DAB1: variants seen among roughly 807,000 people sequenced by gnomAD.
The protein encoded by DAB1 is DAB adaptor protein 1.
In DAB1, 15 loss-of-function variants were observed where a neutral mutation model predicts 64.6. The observed-to-expected ratio is 0.23, with a 90% CI of 0.16 to 0.36. DAB1 has a LOEUF of 0.36. Among genes scored for constraint, DAB1 ranks in the 10% least tolerant of loss-of-function variants. The pLI is 1.00. For synonymous variants in DAB1, 235 were observed against 251.9 expected, an observed-to-expected ratio of 0.93 and a Z score of 0.64; for missense variants, 596 against 706.7, an observed-to-expected ratio of 0.84 and a Z score of 1.78.
intron 5 of DAB1, among the ~76,000 whole-genome samples, chr1:57,956,179 T>A (rs994988844): frequency 6.6e-6 from 1 of 152,112 alleles, no homozygotes; most frequent in Non-Finnish European, 1.5e-5. Context: ...TCTGTCAGGG[T>A]CCCAGCAAGA....
At chr1:57,149,867 A>G (rs1456168282) in intron 2 of DAB1, among the ~76,000 whole-genome samples, 2 of 152,186 alleles carry the variant, frequency 1.3e-5, no homozygotes, top group Non-Finnish European at 2.9e-5. Context: ...CAAGTAGTTC[A>G]CAAGCACACA....
intron 9 of DAB1, among the ~76,000 whole-genome samples, chr1:57,057,653 G>C (rs534327913): frequency 8.6e-5 from 13 of 150,958 alleles, no homozygotes; most frequent in Non-Finnish European, 1.8e-4. Context: ...TGTTGCCCAG[G>C]CTGGAGTGCA....
chr1:57,839,679 T>G (rs1652965020), intron 1 of DAB1, among the ~76,000 whole-genome samples: 1 of 152,198 alleles, frequency 6.6e-6, no homozygotes, highest in Non-Finnish European at 1.5e-5. Context: ...TTTGCAAAGA[T>G]TAAATCAGTG....
At chr1:57,517,337 G>T (rs1644474911) in intron 7 of DAB1, among the ~76,000 whole-genome samples, 1 of 150,774 alleles carries the variant, frequency 6.6e-6, no homozygotes, top group East Asian at 1.9e-4. Context: ...TTCGTAGTTT[G>T]CATTCATTAT....
intron 9 of DAB1, chr1:57,033,697 T>C: frequency 1.1e-6 from 1 of 888,708 alleles, no homozygotes. Flanking sequence ...GCGGGAGCTG[T>C]TTCCAATGTC....
chr1:57,636,120 C>CAAAAAAAAAA (rs1164191555), intron 7 of DAB1, among the ~76,000 whole-genome samples: 1 of 93,524 alleles, frequency 1.1e-5, no homozygotes, highest in African/African-American at 3.4e-5. Flanking sequence ...AAAACAAAAA[C>CAAAAAAAAAA]AAAAAACTGG....
chr1:57,113,694 C>A (rs1029151784), intron 4 of DAB1, among the ~76,000 whole-genome samples: 59 of 152,106 alleles, frequency 3.9e-4, no homozygotes, highest in African/African-American at 1.4e-3. Context: ...CGCTTGCAAT[C>A]AAAAACCGGT....
rs1165942316 is a variant in DAB1, at chr1:57,230,343, CT to C, written c.67+60620del. Reference sequence around the variant, plus strand: ...GAGAAAAAAAAAAAAAAAAAAACAGCTGCTAAAGATGTTAAATGAATTAAAT... The same window carrying C: ...GAGAAAAAAAAAAAAAAAAAAACAGCGCTAAAGATGTTAAATGAATTAAAT... On this transcript the variant is annotated intron_variant, in intron 2 of 14. Transcript: ENST00000371236. Among the ~76,000 whole-genome samples, 4 of 149,340 alleles carry C rather than the reference CT, an allele frequency of 2.7e-5. No homozygotes were observed. The East Asian group carries it at 7.8e-4, about 29-fold the overall frequency.
intron 5 of DAB1, among the ~76,000 whole-genome samples, chr1:58,003,123 A>C (rs1219293140): frequency 6.6e-6 from 1 of 152,192 alleles, no homozygotes; most frequent in Admixed American, 6.6e-5. Context: ...CTGGTCTATG[A>C]AACAGGGGTA....
intron 1 of DAB1, among the ~76,000 whole-genome samples, chr1:57,318,797 T>C (rs1675440802): frequency 6.6e-6 from 1 of 151,098 alleles, no homozygotes; most frequent in South Asian, 2.1e-4. Flanking sequence ...ATAAAAGAGA[T>C]GGGTAAAGAC....
intron 6 of DAB1, among the ~76,000 whole-genome samples, chr1:57,651,748 C>T (rs1646258853): frequency 6.6e-6 from 1 of 152,116 alleles, no homozygotes; most frequent in Non-Finnish European, 1.5e-5. Context: ...AGCTCTTAAA[C>T]ACACATCAAT....
chr1:58,320,659 G>A (rs1266715391), intron 4 of DAB1, among the ~76,000 whole-genome samples: 1 of 152,146 alleles, frequency 6.6e-6, no homozygotes, highest in Non-Finnish European at 1.5e-5. Context: ...CTTCTCTAGG[G>A]CCCTTACAAT....
At chr1:58,483,677 G>A (rs1464647152) in intron 3 of DAB1, among the ~76,000 whole-genome samples, 1 of 152,154 alleles carries the variant, frequency 6.6e-6, no homozygotes, top group African/African-American at 2.4e-5. Context: ...TAAGTAAACA[G>A]AAAGTCAGAT....
intron 2 of DAB1, among the ~76,000 whole-genome samples, chr1:57,276,654 G>A (rs978865380): frequency 6.6e-6 from 1 of 152,114 alleles, no homozygotes; most frequent in East Asian, 1.9e-4. Context: ...TTCACAAGTG[G>A]GGGTTTACAG....
At chr1:57,839,705 G>A (rs1347855958) in intron 1 of DAB1, among the ~76,000 whole-genome samples, 4 of 152,156 alleles carry the variant, frequency 2.6e-5, no homozygotes, top group Non-Finnish European at 2.9e-5. Flanking sequence ...AGCTGTGAAG[G>A]AGGCCATTAG....
chr1:58,202,268 T>C (rs935963868), intron 4 of DAB1, among the ~76,000 whole-genome samples: 5 of 152,260 alleles, frequency 3.3e-5, no homozygotes, highest in African/African-American at 4.8e-5. Flanking sequence ...AATAGCCATA[T>C]ATTATGATCA....
chr1:57,617,476 A>C (rs1376603588), intron 7 of DAB1, among the ~76,000 whole-genome samples: 1 of 152,004 alleles, frequency 6.6e-6, no homozygotes, highest in Non-Finnish European at 1.5e-5. Flanking sequence ...GAAGAACCCA[A>C]GTTAAGATGG....
chr1:58,540,853 C>G (rs1646596066), intron 1 of DAB1, among the ~76,000 whole-genome samples: 3 of 151,160 alleles, frequency 2.0e-5, no homozygotes, highest in Admixed American at 2.0e-4. Flanking sequence ...AAAAGTTTTC[C>G]AAACTTGATG....
chr1:58,300,136 G>A (rs539458367), intron 4 of DAB1, among the ~76,000 whole-genome samples: 1 of 152,312 alleles, frequency 6.6e-6, no homozygotes, highest in South Asian at 2.1e-4. Context: ...AAACTGGGTA[G>A]TGGTGGGCTC....
Sources: allele counts gnomAD v4.1 joint callset (sites outside exome capture counted in the v4.1 genomes callset), GRCh38; gene constraint gnomAD v4.1.1; transcripts MANE v1.5; gene names NCBI Gene and HGNC (gene_info 2026-07-23, HGNC 2026-07-21).